GPRC6A: variants seen among roughly 807,000 people sequenced by gnomAD.
The protein encoded by GPRC6A is G protein-coupled receptor class C group 6 member A.
A neutral mutation model predicts 47.0 loss-of-function variants in GPRC6A; 54 were observed. The observed-to-expected ratio is 1.15, with a 90% CI of 0.92 to 1.44. GPRC6A has a LOEUF of 1.44. GPRC6A is among the 40% of genes most tolerant of loss of function. GPRC6A has a pLI of 0.00. For synonymous variants in GPRC6A, 347 were observed against 377.1 expected, an observed-to-expected ratio of 0.92 and a Z score of 0.93; for missense variants, 1,112 against 1,105.5, an observed-to-expected ratio of 1.01 and a Z score of -0.08.
At chr6:116,827,503 T>A (rs1351815117) in intron 1 of GPRC6A, among the ~76,000 whole-genome samples, 1 of 152,012 alleles carries the variant, frequency 6.6e-6, no homozygotes, top group Non-Finnish European at 1.5e-5. Flanking sequence ...AGGGTACAGG[T>A]AAGGTAGGCA....
At chr6:116,811,475 A>G (rs1312199438) in intron 1 of GPRC6A, among the ~76,000 whole-genome samples, 1 of 152,144 alleles carries the variant, frequency 6.6e-6, no homozygotes, top group African/African-American at 2.4e-5. Context: ...AATTTTTTAA[A>G]AAAGGAACAC....
At chr6:116,795,669 C>T in intron 5 of GPRC6A, 43 bp downstream of exon 5, 1 of 1,456,514 alleles carries the variant, frequency 6.9e-7, no homozygotes. Flanking sequence ...AAAAAAAAGC[C>T]TAAGAGGAAT....
rs1334536323 is a variant in GPRC6A at position 116,796,228 on chromosome 6, A to T, written c.1549-393T>A. Among the ~76,000 whole-genome samples the T allele has an allele frequency of 2.0e-5, 3 of 152,254 alleles. No homozygotes were observed. In the East Asian group the frequency reaches 5.8e-4, roughly 29 times the overall value. On this transcript the variant is annotated intron_variant, in intron 4 of 5. Coordinates refer to ENST00000310357, the MANE Select transcript of GPRC6A (RefSeq NM_148963.4). ...AATGGCTAGATTTTTATAATCTTTG[A>T]AAGAAAGTTTTTATCATGCTGTCAA...
chr6:116,823,363 T>G (rs1773570367), intron 1 of GPRC6A, among the ~76,000 whole-genome samples: 1 of 152,126 alleles, frequency 6.6e-6, no homozygotes, highest in Non-Finnish European at 1.5e-5. Flanking sequence ...ACCAAGTTCT[T>G]TGCTAATGCA....
chr6:116,825,262 A>G (rs1390911294), intron 1 of GPRC6A, among the ~76,000 whole-genome samples: 1 of 152,086 alleles, frequency 6.6e-6, no homozygotes, highest in African/African-American at 2.4e-5. Flanking sequence ...AAAGAAACAA[A>G]TGGCATACAC....
chr6:116,800,820 A>T (rs1772651726), intron 3 of GPRC6A, 24 bp from the exon 4 acceptor site: 1 of 1,419,166 alleles, frequency 7.0e-7, no homozygotes, highest in Non-Finnish European at 9.9e-7. Context: ...AAACAGAGAT[A>T]AGCACTTAAT....
intron 4 of GPRC6A, among the ~76,000 whole-genome samples, chr6:116,798,264 G>A (rs1297789066): frequency 1.3e-5 from 2 of 152,200 alleles, no homozygotes; most frequent in African/African-American, 2.4e-5. Flanking sequence ...TCTCACTGAG[G>A]TGGTGACATT....
At chr6:116,825,521 T>C (rs1490208460) in intron 1 of GPRC6A, among the ~76,000 whole-genome samples, 2 of 151,814 alleles carry the variant, frequency 1.3e-5, no homozygotes, top group Non-Finnish European at 1.5e-5. Context: ...AGGTGAAAGA[T>C]CTCTACAAGC....
upstream of GPRC6A, chr6:116,829,096 T>C: frequency 1.3e-6 from 2 of 1,506,404 alleles, no homozygotes; most frequent in Non-Finnish European, 1.8e-6. Flanking sequence ...CTATTTCACC[T>C]GTAAACACCT....
At position 116,802,850 on chromosome 6, in the gene GPRC6A, C is replaced by T. The variant is rs1404339692; in HGVS notation, c.1336-2054G>A. Among the ~76,000 whole-genome samples the T allele has an allele frequency of 1.3e-4, 20 of 152,036 alleles. 1 individual carries two copies. The highest frequency in any genetic ancestry group is 2.4e-4 in the Non-Finnish European group (16 of 67,988). On this transcript the variant is annotated intron_variant, in intron 3 of 5. Coordinates refer to ENST00000310357, the MANE Select transcript of GPRC6A (RefSeq NM_148963.4). ...GGAATTTAAGGAAGATGAGTCCTGTCGGCCTACCATATTTTATAAAGATTA... is the reference window on the plus strand; with the variant it reads ...GGAATTTAAGGAAGATGAGTCCTGTTGGCCTACCATATTTTATAAAGATTA...
chr6:116,792,987 T>C lies in GPRC6A; in HGVS notation c.1936A>G (p.Ser646Gly), dbSNP rs2114574373. Residue 646 changes from serine (S) to glycine (G), a missense_variant, in exon 6 of 6, where the codon AGC (serine) becomes GGC (glycine). Ser to Gly is a moderately conservative substitution (Grantham distance 56). Transcript: ENST00000310357. ...GGTTCTCCAATGAAAAAGCTCGTGCTGGCAAAATTGAGGAAATGACAGAGA... is the reference window on the plus strand; with the variant it reads ...GGTTCTCCAATGAAAAAGCTCGTGCCGGCAAAATTGAGGAAATGACAGAGA... ...ILLCHFLNFA[S>G]TSFFIGEPQD... is the part of the protein sequence containing the mutation. 1 of 1,614,102 alleles carries C rather than the reference T, an allele frequency of 6.2e-7. No homozygotes were observed. The highest frequency in any genetic ancestry group is 1.6e-4 in the Middle Eastern group (1 of 6,062).
intron 1 of GPRC6A, among the ~76,000 whole-genome samples, chr6:116,827,811 C>A (rs564531891): frequency 6.6e-6 from 1 of 151,868 alleles, no homozygotes; most frequent in Non-Finnish European, 1.5e-5. Context: ...GCTAAAAGTG[C>A]CCAACTTTTA....
chr6:116,818,754 T>G (rs1773342389), intron 1 of GPRC6A, among the ~76,000 whole-genome samples: 2 of 151,306 alleles, frequency 1.3e-5, no homozygotes, highest in Admixed American at 6.6e-5. Context: ...TGCAAAATCA[T>G]GCCAAAATGT....
At chr6:116,803,368 C>G (rs1772736940) in intron 3 of GPRC6A, among the ~76,000 whole-genome samples, 1 of 152,088 alleles carries the variant, frequency 6.6e-6, no homozygotes, top group Admixed American at 6.6e-5. Context: ...TATCACTCTT[C>G]TGCCTGAAAA....
chr6:116,801,136 A>T (rs1772662418), intron 3 of GPRC6A, among the ~76,000 whole-genome samples: 1 of 152,218 alleles, frequency 6.6e-6, no homozygotes, highest in African/African-American at 2.4e-5. Flanking sequence ...TCCATCTCTC[A>T]TCAATGCAAG....
intron 1 of GPRC6A, among the ~76,000 whole-genome samples, chr6:116,818,064 C>T (rs566190412): frequency 1.3e-5 from 2 of 152,162 alleles, no homozygotes; most frequent in South Asian, 4.2e-4. Context: ...AGAGCAACTC[C>T]AAGACATGTA....
At chr6:116,813,448 A>C (rs1356354767) in intron 1 of GPRC6A, among the ~76,000 whole-genome samples, 1 of 152,194 alleles carries the variant, frequency 6.6e-6, no homozygotes. Context: ...CTCAGGAATA[A>C]TACTACACAT....
At chr6:116,816,887 CG>C (rs1562486181) in intron 1 of GPRC6A, among the ~76,000 whole-genome samples, 1 of 152,188 alleles carries the variant, frequency 6.6e-6, no homozygotes, top group East Asian at 1.9e-4. Context: ...GAGGGTCCTA[CG>C]CCCACGGAAT....
chr6:116,817,208 T>A (rs1773250541), intron 1 of GPRC6A, among the ~76,000 whole-genome samples: 1 of 151,624 alleles, frequency 6.6e-6, no homozygotes, highest in South Asian at 2.1e-4. Flanking sequence ...GCAGACTGCC[T>A]CCTCAAGTGG....
Sources: allele counts gnomAD v4.1 joint callset (sites outside exome capture counted in the v4.1 genomes callset), GRCh38; gene constraint gnomAD v4.1.1; transcripts MANE v1.5; gene names NCBI Gene and HGNC (gene_info 2026-07-23, HGNC 2026-07-21).